The following NT5C2 variants were observed in gnomAD, a reference collection of about 807,000 sequenced individuals.
NT5C2 encodes the protein 5'-nucleotidase, cytosolic II.
Under a neutral mutation model 76.1 loss-of-function variants are expected in NT5C2, and 58 were observed. The observed-to-expected ratio is 0.76, with a 90% CI of 0.62 to 0.95. The LOEUF (loss-of-function observed/expected upper bound fraction) is 0.95, where lower values mean the gene tolerates loss of function less well. Among genes scored for constraint, NT5C2 ranks in the 40% least tolerant of loss-of-function variants. NT5C2 has a pLI of 0.00. For synonymous variants in NT5C2, 229 were observed against 237.4 expected (o/e 0.96, Z 0.32); for missense variants, 478 against 690.3 (o/e 0.69, Z 3.45).
At chr10:103,144,564 T>C (rs1482028564) in intron 3 of NT5C2, among the ~76,000 whole-genome samples, 1 of 152,250 alleles carries the variant, frequency 6.6e-6, no homozygotes, top group Non-Finnish European at 1.5e-5. Flanking sequence ...TCAAAGATTA[T>C]AATGTACCTT....
At chr10:103,192,319 C>T (rs1438472041) in intron 1 of NT5C2, among the ~76,000 whole-genome samples, 5 of 152,118 alleles carry the variant, frequency 3.3e-5, no homozygotes, top group African/African-American at 9.7e-5. Context: ...TTTCGGGGCG[C>T]TGTACTTCAG....
At chr10:103,157,343 C>T (rs2083639157) in intron 3 of NT5C2, among the ~76,000 whole-genome samples, 1 of 151,996 alleles carries the variant, frequency 6.6e-6, no homozygotes, top group South Asian at 2.1e-4. Context: ...AAATCCTGAA[C>T]TTTTTAGGTT....
intron 6 of NT5C2, among the ~76,000 whole-genome samples, chr10:103,104,277 T>A (rs780536971): frequency 6.6e-6 from 1 of 152,264 alleles, no homozygotes; most frequent in Non-Finnish European, 1.5e-5. Flanking sequence ...GAAACTTTAT[T>A]GGCTTATTTA....
chr10:103,158,929 G>A (rs2084088350), intron 3 of NT5C2, among the ~76,000 whole-genome samples: 3 of 151,448 alleles, frequency 2.0e-5, no homozygotes. Context: ...AGGTAACCAA[G>A]ATAAAACAGA....
chr10:103,123,791 C>T (rs2076156702), intron 4 of NT5C2, among the ~76,000 whole-genome samples: 2 of 151,932 alleles, frequency 1.3e-5, no homozygotes, highest in South Asian at 2.1e-4. Flanking sequence ...TACCTCCTTC[C>T]GGATTTCCAA....
intron 3 of NT5C2, among the ~76,000 whole-genome samples, chr10:103,172,558 ACTCACGGTGGTT>A (rs567683370): frequency 1.9e-3 from 284 of 151,954 alleles, no homozygotes; most frequent in African/African-American, 6.0e-3. Context: ...TTTGGGGACC[ACTCACGGTGGTT>A]CATACCTGCA....
At chr10:103,162,463 A>G (rs915399659) in intron 3 of NT5C2, among the ~76,000 whole-genome samples, 1 of 152,218 alleles carries the variant, frequency 6.6e-6, no homozygotes, top group African/African-American at 2.4e-5. Flanking sequence ...AAGGTGTTCA[A>G]CCTATTTATT....
At chr10:103,096,311 T>C (rs1431099872) in intron 11 of NT5C2, among the ~76,000 whole-genome samples, 6 of 152,206 alleles carry the variant, frequency 3.9e-5, no homozygotes, top group African/African-American at 9.7e-5. Context: ...CCTATCACCT[T>C]GGCTTCGCTA....
chr10:103,100,032 A>G lies in NT5C2; in HGVS notation c.540-13T>C, dbSNP rs753847519. The G allele has an allele frequency of 1.5e-5, 23 of 1,554,264 alleles. No homozygotes were observed. Among genetic ancestry groups the G allele is most frequent in the Non-Finnish European group, 1.8e-5 (20 of 1,127,546 alleles). On this transcript the variant is annotated splice_polypyrimidine_tract_variant and intron_variant, in intron 8 of 18. Coordinates refer to ENST00000404739, the MANE Select transcript of NT5C2 (RefSeq NM_001351169.2). ...TCCTGTTTCACAACTACAGAAAGAT[A>G]AAAATAACATGACAGGGGATCCAAA...
At chr10:103,171,000 TTA>T (rs1257230292) in intron 3 of NT5C2, among the ~76,000 whole-genome samples, 1 of 152,208 alleles carries the variant, frequency 6.6e-6, no homozygotes, top group African/African-American at 2.4e-5. Context: ...TTTCCAAATG[TTA>T]TGTTTTATTA....
intron 2 of NT5C2, 37 bp from the exon 3 acceptor site, chr10:103,175,019 T>G: frequency 8.2e-7 from 1 of 1,215,438 alleles, no homozygotes; most frequent in East Asian, 2.3e-5. Flanking sequence ...AACTTAATAT[T>G]GGCATCTGTA....
intron 4 of NT5C2, among the ~76,000 whole-genome samples, chr10:103,138,818 C>A (rs2079824914): frequency 6.6e-6 from 1 of 152,096 alleles, no homozygotes; most frequent in South Asian, 2.1e-4. Flanking sequence ...ATCAGCCTGG[C>A]CAACATGGTG....
chr10:103,183,084 TAATTC>T (rs1490340050), intron 1 of NT5C2, among the ~76,000 whole-genome samples: 1 of 152,006 alleles, frequency 6.6e-6, no homozygotes, highest in Non-Finnish European at 1.5e-5. Flanking sequence ...AAGTTTACTT[TAATTC>T]ATCTACCAGT....
chr10:103,099,279 T>C (rs2068952157), intron 9 of NT5C2, among the ~76,000 whole-genome samples: 1 of 152,204 alleles, frequency 6.6e-6, no homozygotes, highest in Non-Finnish European at 1.5e-5. Context: ...TTTGTCATGT[T>C]GCCCAGGCTA....
At chr10:103,164,203 G>A (rs991965689) in intron 3 of NT5C2, among the ~76,000 whole-genome samples, 39 of 152,104 alleles carry the variant, frequency 2.6e-4, no homozygotes, top group Non-Finnish European at 4.9e-4. Flanking sequence ...AGCTATGATT[G>A]CGCCACTGCA....
At chr10:103,142,453 T>C (rs1484927950) in intron 3 of NT5C2, among the ~76,000 whole-genome samples, 1 of 151,900 alleles carries the variant, frequency 6.6e-6, no homozygotes, top group Non-Finnish European at 1.5e-5. Context: ...GGCAGATCGC[T>C]TGAGCACAGG....
intron 3 of NT5C2, among the ~76,000 whole-genome samples, chr10:103,147,566 A>G (rs761051487): frequency 7.2e-5 from 11 of 152,212 alleles, no homozygotes; most frequent in East Asian, 1.9e-4. Flanking sequence ...AAAATTCTAT[A>G]AAGTTGTGAC....
At chr10:103,152,610 A>G (rs2082597923) in intron 3 of NT5C2, among the ~76,000 whole-genome samples, 2 of 152,202 alleles carry the variant, frequency 1.3e-5, no homozygotes, top group South Asian at 4.1e-4. Context: ...TTTATGTCCT[A>G]TTTTATTAAA....
intron 4 of NT5C2, among the ~76,000 whole-genome samples, chr10:103,134,111 G>A (rs1465514347): frequency 6.6e-6 from 1 of 152,114 alleles, no homozygotes; most frequent in African/African-American, 2.4e-5. Flanking sequence ...GCCTCACAAT[G>A]CAATAGAAAA....
Sources: gnomAD v4.1 joint callset for allele counts (sites outside exome capture counted in the v4.1 genomes callset) on GRCh38, gnomAD v4.1.1 for gene constraint, MANE v1.5 for transcripts, NCBI Gene and HGNC (gene_info 2026-07-23, HGNC 2026-07-21) for gene names.